UIMC1: variants seen among roughly 807,000 people sequenced by gnomAD.
UIMC1 encodes the protein ubiquitin interaction motif containing 1, also known as BRCA1-A complex subunit RAP80.
UIMC1 carries 42 observed loss-of-function variants against 84.9 expected under a neutral mutation model. The ratio of observed to expected loss-of-function variants is 0.49; its 90% CI spans 0.39 to 0.64. UIMC1 has a LOEUF of 0.64. UIMC1 is among the 30% of genes least tolerant of loss of function. The pLI, the probability that UIMC1 is intolerant of heterozygous loss-of-function variation, is 0.00. For synonymous variants in UIMC1, 281 were observed against 293.0 expected, an observed-to-expected ratio of 0.96 and a Z score of 0.42; for missense variants, 825 against 847.6, an observed-to-expected ratio of 0.97 and a Z score of 0.33.
chr5:176,995,131 T>C (rs1773417069), intron 1 of UIMC1, among the ~76,000 whole-genome samples: 1 of 152,136 alleles, frequency 6.6e-6, no homozygotes, highest in Non-Finnish European at 1.5e-5. Context: ...TCAATTCCAC[T>C]ACTATTAATT....
In UIMC1 at chr5:176,946,120, A is replaced by G. The variant is rs984034290; in HGVS notation, c.1444-2632T>C. Among the ~76,000 whole-genome samples, 3 of 152,304 alleles carry G rather than the reference A, an allele frequency of 2.0e-5. No homozygotes were observed. In the Middle Eastern group the frequency reaches 0.01, roughly 518 times the overall value. On this transcript the variant is annotated intron_variant, in intron 9 of 14. Coordinates refer to ENST00000511320, the MANE Select transcript of UIMC1 (RefSeq NM_001199298.2). ...CTTAATAATAAATGCTGGTATATTCAGTGCATTGTTGGCACCCCAGGACCA... is the reference window on the plus strand; with the variant it reads ...CTTAATAATAAATGCTGGTATATTCGGTGCATTGTTGGCACCCCAGGACCA...
intron 8 of UIMC1, 48 bp downstream of exon 8, chr5:176,955,911 A>T (rs1462476405): frequency 3.8e-6 from 6 of 1,571,506 alleles, no homozygotes; most frequent in Non-Finnish European, 5.2e-6. Flanking sequence ...AGGCATGAAA[A>T]GGTAAATAGG....
intron 11 of UIMC1, among the ~76,000 whole-genome samples, 171 bp from the exon 12 acceptor site, chr5:176,908,865 C>A (rs1016979407): frequency 3.9e-5 from 6 of 152,210 alleles, no homozygotes; most frequent in East Asian, 1.9e-4. Context: ...TAATCCAACG[C>A]CAATCAAAAG....
At chr5:176,995,437 TACTC>T (rs920245513) in intron 1 of UIMC1, among the ~76,000 whole-genome samples, 2 of 148,190 alleles carry the variant, frequency 1.3e-5, no homozygotes, top group Non-Finnish European at 3.0e-5. Flanking sequence ...TAATTCCAGT[TACTC>T]AGGAGGCTGG....
intron 6 of UIMC1, among the ~76,000 whole-genome samples, chr5:176,967,416 T>C (rs1018478896): frequency 9.2e-5 from 14 of 151,878 alleles, no homozygotes; most frequent in Admixed American, 2.0e-4. Flanking sequence ...GAAAAGAAAA[T>C]GTATTCTGCT....
At chr5:177,021,107 G>A (rs1331049659) in intron 1 of UIMC1, among the ~76,000 whole-genome samples, 3 of 151,886 alleles carry the variant, frequency 2.0e-5, no homozygotes, top group Admixed American at 6.6e-5. Flanking sequence ...GTGAAACCCC[G>A]TCTCTACCAA....
intron 7 of UIMC1, among the ~76,000 whole-genome samples, chr5:176,956,452 A>G (rs552034643): frequency 6.6e-6 from 1 of 152,368 alleles, no homozygotes; most frequent in Non-Finnish European, 1.5e-5. Context: ...TTCTGACAAC[A>G]CACTTTCTCC....
intron 1 of UIMC1, among the ~76,000 whole-genome samples, chr5:177,002,810 T>C (rs1320786275): frequency 1.3e-5 from 2 of 151,864 alleles, no homozygotes; most frequent in East Asian, 1.9e-4. Context: ...ATAATAATAA[T>C]AATAATAAAT....
intron 3 of UIMC1, among the ~76,000 whole-genome samples, chr5:176,971,714 T>A (rs1769256341): frequency 6.6e-6 from 1 of 151,442 alleles, no homozygotes; most frequent in African/African-American, 2.4e-5. Context: ...TTCGAGACCA[T>A]CACGGACAAC....
intron 1 of UIMC1, among the ~76,000 whole-genome samples, chr5:177,012,871 T>C (rs1248479042): frequency 2.0e-5 from 3 of 151,730 alleles, no homozygotes; most frequent in African/African-American, 7.3e-5. Context: ...TGGCCAGGAG[T>C]TCCAGACCAG....
upstream of UIMC1, among the ~76,000 whole-genome samples, chr5:177,010,540 A>G (rs937159971): frequency 2.6e-5 from 4 of 152,032 alleles, no homozygotes; most frequent in African/African-American, 9.7e-5. Flanking sequence ...CACATAATAG[A>G]GGATACTTTT....
intron 8 of UIMC1, among the ~76,000 whole-genome samples, chr5:176,954,278 A>G (rs1034347214): frequency 1.3e-5 from 2 of 152,214 alleles, no homozygotes; most frequent in Non-Finnish European, 2.9e-5. Context: ...CTAGGAAGTC[A>G]GTAGTCCCAG....
At chr5:176,998,310 A>G (rs1451204775) in intron 1 of UIMC1, among the ~76,000 whole-genome samples, 2 of 151,792 alleles carry the variant, frequency 1.3e-5, no homozygotes, top group Non-Finnish European at 2.9e-5. Flanking sequence ...CTAAAAATAC[A>G]AAAATTAGCT....
In UIMC1 at chr5:176,910,183, T is replaced by A. The variant is rs531133567; in HGVS notation, c.1676+1128A>T. ...ACAATGTGAGGAATTCCTAGACGAA[T>A]GTCTACATTACAGTAAGATTCCAAA... On this transcript the variant is annotated intron_variant, in intron 11 of 14. Coordinates refer to ENST00000511320, the MANE Select transcript of UIMC1 (RefSeq NM_001199298.2). Among the ~76,000 whole-genome samples the A allele has an allele frequency of 2.0e-5, 3 of 152,244 alleles. No homozygotes were observed. The East Asian group carries it at 5.8e-4, about 29-fold the overall frequency.
intron 10 of UIMC1, among the ~76,000 whole-genome samples, chr5:176,926,394 G>T (rs910505904): frequency 5.3e-5 from 8 of 152,084 alleles, no homozygotes; most frequent in African/African-American, 1.9e-4. Flanking sequence ...AGCACTTGGG[G>T]AGGCCAAGAG....
intron 10 of UIMC1, among the ~76,000 whole-genome samples, chr5:176,931,170 T>C (rs2094286610): frequency 6.6e-6 from 1 of 152,162 alleles, no homozygotes; most frequent in African/African-American, 2.4e-5. Context: ...CTTATATTAA[T>C]AGATAATTAT....
At chr5:176,941,687 T>C (rs2149440363) in intron 10 of UIMC1, among the ~76,000 whole-genome samples, 1 of 152,316 alleles carries the variant, frequency 6.6e-6, no homozygotes, top group Admixed American at 6.5e-5. Flanking sequence ...TAGGTTTACA[T>C]TCAGCATGTT....
Position 176,905,630 on chromosome 5 carries a change from A to G in UIMC1, c.1950-138T>C, listed in dbSNP as rs528044999. Reference sequence around the variant, plus strand: ...CTTTGTAATAATCCCACCACATATCATCACTCTGTTTTCACAGATGAGGTC... The same window carrying G: ...CTTTGTAATAATCCCACCACATATCGTCACTCTGTTTTCACAGATGAGGTC... On this transcript the variant is annotated intron_variant, in intron 14 of 14. Coordinates refer to ENST00000511320, the MANE Select transcript of UIMC1 (RefSeq NM_001199298.2). 1.8e-5 allele frequency: 15 copies of G among 817,630 alleles called. 2 individuals are homozygous for G. Among genetic ancestry groups the G allele is most frequent in the Middle Eastern group, 7.4e-4 (2 of 2,688 alleles). The allele number at this position is 817,630 out of a possible 1,614,324, so 50.6% of individuals were successfully genotyped here.
At chr5:176,959,229 A>C (rs528404325) in intron 6 of UIMC1, among the ~76,000 whole-genome samples, 1 of 152,324 alleles carries the variant, frequency 6.6e-6, no homozygotes, top group South Asian at 2.1e-4. Flanking sequence ...AGGGGTGACA[A>C]GGTTTTTATT....
Sources: allele counts gnomAD v4.1 joint callset (sites outside exome capture counted in the v4.1 genomes callset), GRCh38; gene constraint gnomAD v4.1.1; transcripts MANE v1.5; gene names NCBI Gene and HGNC (gene_info 2026-07-23, HGNC 2026-07-21).